Variants in RIMS1 observed in about 807,000 individuals in gnomAD.
The protein encoded by RIMS1 is regulating synaptic membrane exocytosis 1.
Under a neutral mutation model 214.1 loss-of-function variants are expected in RIMS1, and 83 were observed. That is an observed-to-expected ratio of 0.39 (90% CI 0.32 to 0.47). RIMS1 has a LOEUF of 0.47. Among genes scored for constraint, RIMS1 ranks in the 20% least tolerant of loss-of-function variants. The probability of loss-of-function intolerance (pLI) is 0.99; values close to 1 mark genes in which losing one functional copy is unlikely to be tolerated. For synonymous variants in RIMS1, 793 were observed against 786.8 expected, an observed-to-expected ratio of 1.01 and a Z score of -0.13; for missense variants, 2,050 against 2,161.8, an observed-to-expected ratio of 0.95 and a Z score of 1.03.
In RIMS1 at chr6:72,183,029, A is replaced by T. The variant is rs753676096; in HGVS notation, c.1558A>T (p.Lys520Ter). 6.2e-7 allele frequency: 1 copy of T among 1,601,370 alleles called. No homozygotes were observed. Among genetic ancestry groups the T allele is most frequent in the Non-Finnish European group, 8.5e-7 (1 of 1,174,824 alleles). Residue 520 changes from lysine to a stop codon, truncating the protein, a stop_gained, in exon 6 of 34, where the codon AAG becomes TAG. Coordinates refer to ENST00000521978, the MANE Select transcript of RIMS1 (RefSeq NM_014989.7). LOFTEE classifies it high-confidence loss of function. ...RPSPPKPHRSKRGGKKRQMSV... is the reference protein window; with the variant it reads ...RPSPPKPHRS ...GTCCCCGCCCAAGCCGCACCGGTCC[A>T]AGAGAGGCGGCAAGAAGCGGCAGAT...
Position 72,179,806 on chromosome 6 carries a change from C to T in RIMS1, c.703C>T (p.Pro235Ser). 1.9e-6 allele frequency: 3 copies of T among 1,613,726 alleles called. No homozygotes were observed. Among genetic ancestry groups the T allele is most frequent in the Non-Finnish European group, 2.5e-6 (3 of 1,179,744 alleles). The change falls in exon 5 of 34, where the codon CCC (proline) becomes TCC (serine). Residue 235 changes from proline to serine, a missense_variant. Pro to Ser is a moderately conservative substitution (Grantham distance 74, BLOSUM62 -1). This residue lies in a region of RIMS1 where 882 missense variants were observed against 828.9 expected (regional missense o/e 1.06). Transcript: ENST00000521978. ...AAASSQDAAP[P>S]SAPPDRSKGA... Reference sequence around the variant, plus strand: ...TGCCTCCTCCCAGGATGCTGCTCCTCCCAGCGCACCACCAGACAGGAGCAA... The same window carrying T: ...TGCCTCCTCCCAGGATGCTGCTCCTTCCAGCGCACCACCAGACAGGAGCAA...
intron 2 of RIMS1, among the ~76,000 whole-genome samples, chr6:71,987,114 A>T (rs912974976): frequency 2.6e-5 from 4 of 152,184 alleles, no homozygotes; most frequent in African/African-American, 9.6e-5. Flanking sequence ...GAGGTGATGG[A>T]TTATCTTGCT....
At chr6:71,973,609 C>T (rs2151396817) in intron 2 of RIMS1, among the ~76,000 whole-genome samples, 1 of 152,264 alleles carries the variant, frequency 6.6e-6, no homozygotes, top group Admixed American at 6.5e-5. Flanking sequence ...CAGTTTATTC[C>T]TACCAAGATG....
At chr6:72,001,670 G>C (rs1805308806) in intron 2 of RIMS1, among the ~76,000 whole-genome samples, 1 of 152,126 alleles carries the variant, frequency 6.6e-6, no homozygotes, top group African/African-American at 2.4e-5. Flanking sequence ...CTAAAACTTT[G>C]ACTAATCTAA....
At chr6:72,383,217 A>T (rs1443313242) in intron 29 of RIMS1, among the ~76,000 whole-genome samples, 1 of 152,210 alleles carries the variant, frequency 6.6e-6, no homozygotes, top group East Asian at 1.9e-4. Context: ...AATACATATA[A>T]AATAAACCCA....
intron 2 of RIMS1, among the ~76,000 whole-genome samples, chr6:72,006,601 C>A (rs910429858): frequency 1.3e-5 from 2 of 152,162 alleles, no homozygotes; most frequent in Non-Finnish European, 2.9e-5. Flanking sequence ...CAGATGGCAC[C>A]TGGAAAATCG....
intron 2 of RIMS1, among the ~76,000 whole-genome samples, chr6:72,014,609 T>G (rs1263551230): frequency 6.6e-6 from 1 of 152,148 alleles, no homozygotes; most frequent in African/African-American, 2.4e-5. Flanking sequence ...TGTTTTCAAT[T>G]TTTTTTGATG....
chr6:72,137,823 G>A (rs1180709494), intron 4 of RIMS1, among the ~76,000 whole-genome samples: 2 of 145,408 alleles, frequency 1.4e-5, no homozygotes, highest in Non-Finnish European at 3.0e-5. Flanking sequence ...TGCAAGCTCC[G>A]CCTCCCGGGT....
intron 4 of RIMS1, among the ~76,000 whole-genome samples, chr6:72,144,528 G>C (rs2042470803): frequency 6.6e-6 from 1 of 152,078 alleles, no homozygotes; most frequent in Admixed American, 6.6e-5. Context: ...TAAGGCTGCT[G>C]ACATGAACAG....
At chr6:72,360,910 G>A (rs2097790714) in intron 29 of RIMS1, among the ~76,000 whole-genome samples, 1 of 148,856 alleles carries the variant, frequency 6.7e-6, no homozygotes, top group African/African-American at 2.4e-5. Flanking sequence ...CCTAGCCTTA[G>A]AAATCCTCTG....
At chr6:72,117,109 AC>A (rs1312788998) in intron 4 of RIMS1, among the ~76,000 whole-genome samples, 2 of 151,972 alleles carry the variant, frequency 1.3e-5, no homozygotes, top group African/African-American at 2.4e-5. Flanking sequence ...GCAAGTGTAT[AC>A]AAATCTTCTG....
intron 2 of RIMS1, among the ~76,000 whole-genome samples, chr6:72,063,537 T>C (rs1299278088): frequency 6.6e-6 from 1 of 152,190 alleles, no homozygotes; most frequent in African/African-American, 2.4e-5. Context: ...AACTGGTGAA[T>C]GTTGTCCACT....
chr6:72,036,510 T>G (rs1470156558), intron 2 of RIMS1, among the ~76,000 whole-genome samples: 2 of 152,190 alleles, frequency 1.3e-5, no homozygotes, highest in Non-Finnish European at 2.9e-5. Context: ...TGTTTGAAAC[T>G]TATACCAAAG....
At chr6:71,976,264 G>T (rs1797109466) in intron 2 of RIMS1, among the ~76,000 whole-genome samples, 1 of 152,064 alleles carries the variant, frequency 6.6e-6, no homozygotes, top group Non-Finnish European at 1.5e-5. Flanking sequence ...GTATAAAGTA[G>T]TGTCTTACTG....
At chr6:72,303,242 G>A (rs980536078) in intron 26 of RIMS1, among the ~76,000 whole-genome samples, 4 of 150,674 alleles carry the variant, frequency 2.7e-5, no homozygotes, top group African/African-American at 7.3e-5. Context: ...TGATGGATTA[G>A]GGAAGATTTA....
chr6:72,090,664 C>A (rs368017530), intron 2 of RIMS1, among the ~76,000 whole-genome samples: 2 of 152,166 alleles, frequency 1.3e-5, no homozygotes, highest in African/African-American at 4.8e-5. Flanking sequence ...GACTTACTGT[C>A]CTTCTTTGAC....
intron 4 of RIMS1, among the ~76,000 whole-genome samples, chr6:72,164,282 C>T (rs56013076): frequency 0.051 from 7,815 of 152,164 alleles, 287 homozygotes; most frequent in Middle Eastern, 0.099. Flanking sequence ...TTCCAGGTGC[C>T]GTCTGTCACC....
intron 1 of RIMS1, among the ~76,000 whole-genome samples, chr6:71,898,857 T>G (rs1009568352): frequency 1.3e-5 from 2 of 152,104 alleles, no homozygotes; most frequent in Non-Finnish European, 2.9e-5. Flanking sequence ...GTACAGTGGT[T>G]TTTTTCCACC....
chr6:72,367,604 C>G lies in RIMS1; in HGVS notation c.4367-22994C>G, dbSNP rs533622148. ...ATTTCTAGAATCATTTTCTTATTCA[C>G]TGATACTCTGATGTCACAAACAGCC... On this transcript the variant is annotated intron_variant, in intron 29 of 33. Transcript: ENST00000521978. 5.3e-5 allele frequency among the ~76,000 whole-genome samples: 8 copies of G among 152,234 alleles called. No individual in the cohort carries two copies. The South Asian group carries it at 1.7e-3, about 32-fold the overall frequency.
Sources: allele counts gnomAD v4.1 joint callset (sites outside exome capture counted in the v4.1 genomes callset), GRCh38; gene constraint gnomAD v4.1.1; regional missense constraint gnomAD v4.1.1; transcripts MANE v1.5; gene names NCBI Gene and HGNC (gene_info 2026-07-23, HGNC 2026-07-21).